Variants in PTPRD observed in about 807,000 individuals in gnomAD.
PTPRD encodes the protein receptor-type tyrosine-protein phosphatase delta.
PTPRD carries 34 observed loss-of-function variants against 214.5 expected under a neutral mutation model. The observed-to-expected ratio is 0.16, with a 90% CI of 0.12 to 0.21. The LOEUF (loss-of-function observed/expected upper bound fraction) is 0.21, where lower values mean the gene tolerates loss of function less well. Ranked by LOEUF, PTPRD falls within the 10% of genes least tolerant of loss-of-function variation. The pLI is 1.00. For missense variants in PTPRD, 2,545 were observed against 2,398.7 expected (o/e 1.06, Z -1.27); for synonymous variants, 1,128 against 845.7 (o/e 1.33, Z -5.79).
At chr9:8,705,649 ATAACAAAT>A (rs1463806458) in intron 12 of PTPRD, among the ~76,000 whole-genome samples, 13 of 152,232 alleles carry the variant, frequency 8.5e-5, no homozygotes, top group Non-Finnish European at 1.8e-4. Flanking sequence ...AGTTAAACAC[ATAACAAAT>A]TGAGAATAAA....
chr9:8,772,857 A>C (rs1400336889), intron 11 of PTPRD, among the ~76,000 whole-genome samples: 1 of 152,058 alleles, frequency 6.6e-6, no homozygotes, highest in Non-Finnish European at 1.5e-5. Flanking sequence ...TTGTGTCCCT[A>C]TAAATATTCT....
intron 6 of PTPRD, among the ~76,000 whole-genome samples, chr9:9,750,135 T>C (rs1007271253): frequency 2.0e-5 from 3 of 152,198 alleles, no homozygotes; most frequent in African/African-American, 7.2e-5. Flanking sequence ...GTTTTGCCAA[T>C]ATGCTAAATC....
chr9:9,549,868 G>C lies in PTPRD; in HGVS notation c.-237+24864C>G, dbSNP rs138116721. Among the ~76,000 whole-genome samples the C allele has an allele frequency of 3.0e-4, 46 of 152,058 alleles. 2 individuals carry two copies. The East Asian group carries it at 8.9e-3, about 29-fold the overall frequency. ...ATACAAAACACACAGAATATCTTGGGATCTAGGGCTATGCAAAGATTTCTT... is the reference window on the plus strand; with the variant it reads ...ATACAAAACACACAGAATATCTTGGCATCTAGGGCTATGCAAAGATTTCTT... On this transcript the variant is annotated intron_variant, in intron 8 of 45. Coordinates refer to ENST00000381196, the MANE Select transcript of PTPRD (RefSeq NM_002839.4).
At chr9:9,037,274 C>T (rs2099625014) in intron 10 of PTPRD, among the ~76,000 whole-genome samples, 1 of 151,884 alleles carries the variant, frequency 6.6e-6, no homozygotes, top group Non-Finnish European at 1.5e-5. Flanking sequence ...AGGGAGGTTC[C>T]CTGATTTGTC....
intron 11 of PTPRD, chr9:8,860,128 G>A (rs2098072642): frequency 6.6e-6 from 1 of 152,144 alleles, no homozygotes; most frequent in Admixed American, 6.5e-5. Flanking sequence ...CTCATCCAAA[G>A]TTGCATGTTA....
At chr9:10,009,383 G>A (rs1175786320) in intron 4 of PTPRD, among the ~76,000 whole-genome samples, 1 of 151,986 alleles carries the variant, frequency 6.6e-6, no homozygotes, top group Non-Finnish European at 1.5e-5. Context: ...CCTGTAGGGT[G>A]TGCACGGGTT....
intron 11 of PTPRD, among the ~76,000 whole-genome samples, chr9:8,739,479 C>T (rs1047906634): frequency 6.6e-5 from 10 of 152,176 alleles, no homozygotes; most frequent in African/African-American, 2.4e-4. Flanking sequence ...TATTAAAGTT[C>T]AGTTTAAATT....
intron 9 of PTPRD, among the ~76,000 whole-genome samples, chr9:9,273,131 T>C (rs1264808254): frequency 6.6e-6 from 1 of 151,302 alleles, no homozygotes. Context: ...ATGCATTCCA[T>C]TGTTAAGTGA....
chr9:9,371,574 C>A (rs1369725904), intron 9 of PTPRD, among the ~76,000 whole-genome samples: 1 of 152,126 alleles, frequency 6.6e-6, no homozygotes, highest in Non-Finnish European at 1.5e-5. Context: ...CTCCTGGATT[C>A]ATTGATTTTT....
chr9:9,389,476 C>T (rs2065058646), intron 9 of PTPRD, among the ~76,000 whole-genome samples: 1 of 152,292 alleles, frequency 6.6e-6, no homozygotes. Flanking sequence ...TGCCATTGCA[C>T]TCCAGCTTGG....
intron 9 of PTPRD, among the ~76,000 whole-genome samples, chr9:9,224,157 G>A (rs1026470007): frequency 2.6e-5 from 4 of 151,944 alleles, no homozygotes; most frequent in African/African-American, 9.7e-5. Context: ...AGAGAGACAG[G>A]CAGCTACAGT....
intron 9 of PTPRD, among the ~76,000 whole-genome samples, chr9:9,355,699 C>T (rs2053498284): frequency 6.6e-6 from 1 of 151,398 alleles, no homozygotes; most frequent in African/African-American, 2.4e-5. Flanking sequence ...TTGGAAGTCA[C>T]AGGTATACAG....
intron 9 of PTPRD, among the ~76,000 whole-genome samples, chr9:9,278,671 T>C (rs1946553294): frequency 1.3e-5 from 2 of 151,330 alleles, no homozygotes; most frequent in South Asian, 2.1e-4. Context: ...ACAACATCTA[T>C]GAAAAGTCCC....
chr9:8,729,694 G>A (rs141381982), intron 12 of PTPRD, among the ~76,000 whole-genome samples: 8 of 152,252 alleles, frequency 5.3e-5, no homozygotes, highest in African/African-American at 1.9e-4. Flanking sequence ...TGATCAAAAT[G>A]ACAAAGATAT....
chr9:9,142,555 T>C (rs979051517), intron 10 of PTPRD, among the ~76,000 whole-genome samples: 6 of 152,220 alleles, frequency 3.9e-5, no homozygotes, highest in African/African-American at 1.4e-4. Flanking sequence ...TGGTAGTCTT[T>C]AAATTGCCTG....
intron 3 of PTPRD, among the ~76,000 whole-genome samples, chr9:10,188,714 G>A (rs987058284): frequency 1.3e-5 from 2 of 152,038 alleles, no homozygotes; most frequent in Admixed American, 1.3e-4. Context: ...CTGCATGGTA[G>A]GTTTTATTTA....
At chr9:9,374,582 C>T (rs542201559) in intron 9 of PTPRD, among the ~76,000 whole-genome samples, 6 of 152,190 alleles carry the variant, frequency 3.9e-5, no homozygotes, top group African/African-American at 1.4e-4. Context: ...GAAATGCTTC[C>T]ACTGAATTAA....
chr9:10,212,685 C>T (rs534384867), intron 3 of PTPRD, among the ~76,000 whole-genome samples: 23 of 152,096 alleles, frequency 1.5e-4, no homozygotes, highest in Admixed American at 1.3e-4. Context: ...TCCCCATAAA[C>T]CAGGTCACCA....
At chr9:8,581,913 C>CAAAAA (rs36007156) in intron 14 of PTPRD, among the ~76,000 whole-genome samples, 124 of 34,898 alleles carry the variant, frequency 3.6e-3, no homozygotes, top group East Asian at 8.4e-3. Flanking sequence ...ACTCAATCTC[C>CAAAAA]AAAAAAAAAA....
Sources: gnomAD v4.1 joint callset for allele counts (sites outside exome capture counted in the v4.1 genomes callset) on GRCh38, gnomAD v4.1.1 for gene constraint, MANE v1.5 for transcripts, NCBI Gene and HGNC (gene_info 2026-07-23, HGNC 2026-07-21) for gene names.